Variants in KCNIP4 observed in about 807,000 individuals in gnomAD.
KCNIP4 encodes the protein potassium voltage-gated channel interacting protein 4, also known as Kv channel-interacting protein 4.
KCNIP4 carries 12 observed loss-of-function variants against 34.0 expected under a neutral mutation model. The observed-to-expected ratio is 0.35, with a 90% CI of 0.23 to 0.57. The LOEUF is 0.57. Among genes scored for constraint, KCNIP4 ranks in the 20% least tolerant of loss-of-function variants. The pLI is 0.83. For synonymous variants in KCNIP4, 124 were observed against 102.2 expected (o/e 1.21, Z -1.29); for missense variants, 238 against 311.7 (o/e 0.76, Z 1.78).
At chr4:21,461,530 T>G (rs1216081310) in intron 1 of KCNIP4, among the ~76,000 whole-genome samples, 2 of 152,064 alleles carry the variant, frequency 1.3e-5, no homozygotes, top group Non-Finnish European at 2.9e-5. Flanking sequence ...ATCTTTCACT[T>G]ACTGCAGATA....
intron 1 of KCNIP4, among the ~76,000 whole-genome samples, chr4:21,779,745 G>GTTAAAAAGTTAGCCAGGCATGGCA (rs1329529066): frequency 3.5e-4 from 53 of 152,024 alleles, no homozygotes; most frequent in African/African-American, 1.3e-3. Flanking sequence ...CCTACTACAC[G>GTTAAAAAGTTAGCCAGGCATGGCA]TTAAAAAGTT....
At chr4:21,777,291 T>A (rs1470220465) in intron 1 of KCNIP4, among the ~76,000 whole-genome samples, 1 of 152,190 alleles carries the variant, frequency 6.6e-6, no homozygotes, top group African/African-American at 2.4e-5. Flanking sequence ...GAAAATAAAC[T>A]AATACAGATG....
At chr4:21,839,078 C>A (rs1431571999) in intron 1 of KCNIP4, among the ~76,000 whole-genome samples, 1 of 152,050 alleles carries the variant, frequency 6.6e-6, no homozygotes, top group Admixed American at 6.6e-5. Flanking sequence ...CAAGTTTGAT[C>A]AAGATAAACA....
chr4:20,769,952 A>T (rs1340453210), intron 3 of KCNIP4, among the ~76,000 whole-genome samples: 1 of 152,208 alleles, frequency 6.6e-6, no homozygotes, highest in Non-Finnish European at 1.5e-5. Context: ...CACAAAGATC[A>T]TCTCTGTATC....
chr4:21,029,193 AG>A (rs1310990576), intron 1 of KCNIP4, among the ~76,000 whole-genome samples: 1 of 152,188 alleles, frequency 6.6e-6, no homozygotes, highest in Non-Finnish European at 1.5e-5. Context: ...TTCTAAGATG[AG>A]GGTAACTTCA....
intron 1 of KCNIP4, among the ~76,000 whole-genome samples, chr4:21,284,569 A>G (rs1323254193): frequency 6.6e-6 from 1 of 152,180 alleles, no homozygotes; most frequent in East Asian, 1.9e-4. Flanking sequence ...GTAGGAAGGT[A>G]AAAGAGGGGA....
intron 1 of KCNIP4, among the ~76,000 whole-genome samples, chr4:21,292,271 A>T (rs1763570906): frequency 6.6e-6 from 1 of 152,156 alleles, no homozygotes; most frequent in Non-Finnish European, 1.5e-5. Context: ...CATCTGGAGG[A>T]CACCATTCCC....
chr4:20,882,522 C>T lies in KCNIP4; in HGVS notation c.163+86G>A, dbSNP rs187567797. ...ATTGCTTTTGTAGAATATACTGATT[C>T]TTTGTAGAGAACGGCAATGCATGCA... is the stretch of plus-strand genomic sequence containing the variant. On this transcript the variant is annotated intron_variant, in intron 2 of 8. Coordinates refer to ENST00000382152, the MANE Select transcript of KCNIP4 (RefSeq NM_025221.6). 1.7e-4 allele frequency: 147 copies of T among 871,390 alleles called. 1 individual carries two copies. The African/African-American group carries it at 2.0e-3, about 12-fold the overall frequency. 54.0% of individuals were successfully genotyped at this position (871,390 alleles called of 1,614,324 possible).
chr4:21,302,531 G>A (rs1222649542), intron 1 of KCNIP4, among the ~76,000 whole-genome samples: 1 of 152,208 alleles, frequency 6.6e-6, no homozygotes. Context: ...CTGGTTTCAT[G>A]AGAGTGTACA....
chr4:21,041,963 C>A (rs1236802967), intron 1 of KCNIP4, among the ~76,000 whole-genome samples: 1 of 152,132 alleles, frequency 6.6e-6, no homozygotes, highest in African/African-American at 2.4e-5. Context: ...GACAAAATAC[C>A]TAACTTTCTT....
At chr4:21,575,632 C>A (rs1396056549) in intron 1 of KCNIP4, among the ~76,000 whole-genome samples, 2 of 152,048 alleles carry the variant, frequency 1.3e-5, no homozygotes, top group African/African-American at 4.8e-5. Flanking sequence ...TCACAAGATT[C>A]TACATTCATC....
rs1338109291 is a variant in KCNIP4, at chr4:20,886,611, C to A, written c.62-3902G>T. Among the ~76,000 whole-genome samples the A allele has an allele frequency of 2.0e-5, 3 of 152,190 alleles. No homozygotes were observed. In the East Asian group the frequency reaches 5.8e-4, roughly 29 times the overall value. On this transcript the variant is annotated intron_variant, in intron 1 of 8. Transcript: ENST00000382152. Reference sequence around the variant, plus strand: ...GCAAGTTGTTAGAGTTCTAGCCCTGCCAGCCTTCCAAAGAAGACTTCACTG... The same window carrying A: ...GCAAGTTGTTAGAGTTCTAGCCCTGACAGCCTTCCAAAGAAGACTTCACTG...
intron 1 of KCNIP4, among the ~76,000 whole-genome samples, chr4:20,945,075 G>A (rs974991529): frequency 2.6e-5 from 4 of 152,164 alleles, no homozygotes; most frequent in African/African-American, 9.7e-5. Flanking sequence ...GCCATCAAAA[G>A]TCCATTTGGT....
At chr4:21,687,604 G>T (rs1050591724) in intron 1 of KCNIP4, among the ~76,000 whole-genome samples, 3 of 152,102 alleles carry the variant, frequency 2.0e-5, no homozygotes, top group Admixed American at 2.0e-4. Flanking sequence ...TTAGGTAGTG[G>T]TAATTTTTAT....
chr4:21,077,088 T>C (rs1745555907), intron 1 of KCNIP4, among the ~76,000 whole-genome samples: 1 of 151,946 alleles, frequency 6.6e-6, no homozygotes. Context: ...CTGAAATTGT[T>C]GCACTCCAAC....
intron 1 of KCNIP4, among the ~76,000 whole-genome samples, chr4:21,725,584 G>T (rs1715137625): frequency 6.6e-6 from 1 of 152,070 alleles, no homozygotes; most frequent in Non-Finnish European, 1.5e-5. Context: ...TTGGAATAAG[G>T]CCCTGTAATC....
At chr4:20,834,170 T>C (rs556362441) in intron 3 of KCNIP4, among the ~76,000 whole-genome samples, 1 of 152,266 alleles carries the variant, frequency 6.6e-6, no homozygotes, top group East Asian at 1.9e-4. Flanking sequence ...GTGGTTTCTA[T>C]TGGTAAGAGT....
rs1050100814 is a variant in KCNIP4, at chr4:21,159,347, G to A, written c.62-276638C>T. Among the ~76,000 whole-genome samples, 5 of 152,270 alleles carry A rather than the reference G, an allele frequency of 3.3e-5. No individual in the cohort carries two copies. In the East Asian group the frequency reaches 9.6e-4, roughly 29 times the overall value. ...TAATGCTATAGGCTAAGCAATGGAG[G>A]AAAATATCGTATTTTTAGAAAATTA... On this transcript the variant is annotated intron_variant, in intron 1 of 8. Transcript: ENST00000382152.
chr4:21,130,795 G>A (rs1751008523), intron 1 of KCNIP4, among the ~76,000 whole-genome samples: 1 of 152,132 alleles, frequency 6.6e-6, no homozygotes, highest in Non-Finnish European at 1.5e-5. Flanking sequence ...CATATATTAT[G>A]ACTCAGCAAT....
Sources: gnomAD v4.1 joint callset for allele counts (sites outside exome capture counted in the v4.1 genomes callset) on GRCh38, gnomAD v4.1.1 for gene constraint, MANE v1.5 for transcripts, NCBI Gene and HGNC (gene_info 2026-07-23, HGNC 2026-07-21) for gene names.